Variants in LMX1A observed in about 807,000 individuals in gnomAD.
LMX1A encodes the protein LIM homeobox transcription factor 1 alpha.
In LMX1A, 15 loss-of-function variants were observed where a neutral mutation model predicts 49.1. That is an observed-to-expected ratio of 0.31 (90% confidence interval 0.20 to 0.47). The LOEUF (loss-of-function observed/expected upper bound fraction) is 0.47, where lower values mean the gene tolerates loss of function less well. Ranked by LOEUF, LMX1A falls within the 20% of genes least tolerant of loss-of-function variation. The probability of loss-of-function intolerance (pLI) is 1.00; values close to 1 mark genes in which losing one functional copy is unlikely to be tolerated. For synonymous variants in LMX1A, 167 were observed against 185.7 expected (o/e 0.90, Z 0.82); for missense variants, 372 against 475.8 (o/e 0.78, Z 2.03).
intron 3 of LMX1A, among the ~76,000 whole-genome samples, chr1:165,302,727 T>A (rs1301049665): frequency 6.6e-6 from 1 of 152,230 alleles, no homozygotes; most frequent in African/African-American, 2.4e-5. Flanking sequence ...TTTATTGCTG[T>A]CTAATTGCTC....
chr1:165,248,484 G>A (rs372335631), intron 4 of LMX1A, among the ~76,000 whole-genome samples: 4 of 152,180 alleles, frequency 2.6e-5, no homozygotes, highest in African/African-American at 9.6e-5. Flanking sequence ...CTCCAAAAAG[G>A]CATTCCATGT....
chr1:165,221,605 G>T (rs968598174), intron 4 of LMX1A, among the ~76,000 whole-genome samples: 1 of 152,154 alleles, frequency 6.6e-6, no homozygotes, highest in Non-Finnish European at 1.5e-5. Flanking sequence ...GGCCAGGCAG[G>T]GGGAGGGACC....
In LMX1A at chr1:165,344,770, C is replaced by T. The variant is rs532527459; in HGVS notation, c.263+8306G>A. 2.6e-5 allele frequency among the ~76,000 whole-genome samples: 4 copies of T among 152,362 alleles called. No individual in the cohort carries two copies. The South Asian group carries it at 6.2e-4, about 24-fold the overall frequency. ...GCCCATTCCTGATTCTCTCCAGTGA[C>T]TGGATAGGACCCAGTGACTGCCAAG... is the stretch of plus-strand genomic sequence containing the variant. On this transcript the variant is annotated intron_variant, in intron 3 of 8. Transcript: ENST00000342310.
At chr1:165,281,307 C>T (rs887999069) in intron 3 of LMX1A, among the ~76,000 whole-genome samples, 2 of 152,224 alleles carry the variant, frequency 1.3e-5, no homozygotes, top group Non-Finnish European at 2.9e-5. Context: ...ATCCTGGTCT[C>T]CCACTGAAAG....
At chr1:165,246,531 A>C (rs61800554) in intron 4 of LMX1A, among the ~76,000 whole-genome samples, 11,192 of 152,216 alleles carry the variant, frequency 0.074, 503 homozygotes, top group South Asian at 0.2. Context: ...ACTCTTTGTT[A>C]GATCTAATAA....
intron 3 of LMX1A, among the ~76,000 whole-genome samples, chr1:165,306,655 C>T (rs1265069352): frequency 6.6e-6 from 1 of 152,250 alleles, no homozygotes; most frequent in African/African-American, 2.4e-5. Context: ...CTGTATTTTC[C>T]TGTATAACAC....
intron 3 of LMX1A, among the ~76,000 whole-genome samples, chr1:165,317,840 C>A (rs1655268466): frequency 6.6e-6 from 1 of 152,226 alleles, no homozygotes; most frequent in South Asian, 2.1e-4. Context: ...CTGCGTAATT[C>A]ATTCCCTGGC....
chr1:165,286,479 A>AGAGGTTCT (rs1274208855), intron 3 of LMX1A, among the ~76,000 whole-genome samples: 1 of 152,186 alleles, frequency 6.6e-6, no homozygotes, highest in Non-Finnish European at 1.5e-5. Flanking sequence ...TTTCAGAACC[A>AGAGGTTCT]GAATCTGAGG....
At chr1:165,263,987 T>G (rs1481411419) in intron 3 of LMX1A, among the ~76,000 whole-genome samples, 1 of 152,138 alleles carries the variant, frequency 6.6e-6, no homozygotes. Flanking sequence ...ATCAATTATA[T>G]TGAAATATTT....
At chr1:165,255,839 G>T (rs779357416) in intron 3 of LMX1A, among the ~76,000 whole-genome samples, 6 of 152,100 alleles carry the variant, frequency 3.9e-5, no homozygotes, top group Non-Finnish European at 8.8e-5. Flanking sequence ...CAGGCATAGT[G>T]GTGCATGTCT....
chr1:165,275,615 T>G (rs1316648062), intron 3 of LMX1A, among the ~76,000 whole-genome samples: 1 of 152,186 alleles, frequency 6.6e-6, no homozygotes, highest in Non-Finnish European at 1.5e-5. Flanking sequence ...GCCCCCTTCC[T>G]TATTTCTATA....
In LMX1A at chr1:165,205,848, C is replaced by G. The variant is rs952625934; in HGVS notation, c.988+16G>C. On this transcript the variant is annotated intron_variant, in intron 8 of 8. Coordinates refer to ENST00000342310, the MANE Select transcript of LMX1A (RefSeq NM_177398.4). ...ACAAGTTATGAGAGGGCCCGAGGGG[C>G]TTAAGTCCCTCTTACCATAAGGGTG... The G allele has an allele frequency of 1.1e-5, 17 of 1,613,238 alleles. No individual in the cohort carries two copies. Among genetic ancestry groups the G allele is most frequent in the Non-Finnish European group, 1.4e-5 (16 of 1,179,704 alleles).
chr1:165,262,528 T>C (rs962522234), intron 3 of LMX1A, among the ~76,000 whole-genome samples: 1 of 152,238 alleles, frequency 6.6e-6, no homozygotes. Flanking sequence ...CAGAATTATA[T>C]GATGCCAAAT....
intron 3 of LMX1A, among the ~76,000 whole-genome samples, chr1:165,279,991 G>A (rs1390935585): frequency 6.6e-6 from 1 of 152,080 alleles, no homozygotes; most frequent in Non-Finnish European, 1.5e-5. Flanking sequence ...AGAGCCTGCA[G>A]CCCTACGGAG....
At chr1:165,262,480 T>A (rs1327872815) in intron 3 of LMX1A, among the ~76,000 whole-genome samples, 1 of 152,206 alleles carries the variant, frequency 6.6e-6, no homozygotes, top group Non-Finnish European at 1.5e-5. Flanking sequence ...TCCCTCTTCG[T>A]GAGAAAAATT....
At chr1:165,230,920 T>C (rs1652218195) in intron 4 of LMX1A, among the ~76,000 whole-genome samples, 1 of 152,138 alleles carries the variant, frequency 6.6e-6, no homozygotes, top group South Asian at 2.1e-4. Flanking sequence ...TGGAGAACTC[T>C]TGCCCACTGC....
intron 3 of LMX1A, among the ~76,000 whole-genome samples, chr1:165,273,314 G>C (rs1653862553): frequency 6.6e-6 from 1 of 152,092 alleles, no homozygotes; most frequent in Non-Finnish European, 1.5e-5. Flanking sequence ...CTGCAGAAGG[G>C]GGCTCACTTG....
intron 3 of LMX1A, among the ~76,000 whole-genome samples, chr1:165,302,480 A>C (rs540038860): frequency 6.6e-6 from 1 of 152,234 alleles, no homozygotes; most frequent in South Asian, 2.1e-4. Context: ...AAAAGAAAGA[A>C]AAGAAAAGAA....
Position 165,203,853 on chromosome 1 carries a change from C to A in LMX1A, c.*27G>T. 1 of 1,609,994 alleles carries A rather than the reference C, an allele frequency of 6.2e-7. No individual in the cohort carries two copies. The highest frequency in any genetic ancestry group is 8.5e-7 in the Non-Finnish European group (1 of 1,176,556). The stretch of plus-strand genomic sequence containing the variant: ...AGAATATGGTTGTTCCATATGGGAG[C>A]CTAGTCACAGAACTCTAGGGGAAGA... On this transcript the variant is annotated 3_prime_UTR_variant, in exon 9 of 9. Coordinates refer to ENST00000342310, the MANE Select transcript of LMX1A (RefSeq NM_177398.4).
Sources: allele counts gnomAD v4.1 joint callset (sites outside exome capture counted in the v4.1 genomes callset), GRCh38; gene constraint gnomAD v4.1.1; transcripts MANE v1.5; gene names NCBI Gene and HGNC (gene_info 2026-07-23, HGNC 2026-07-21).